Variants in MLLT3 observed in about 807,000 individuals in gnomAD.
The protein encoded by MLLT3 is protein AF-9.
MLLT3 carries 4 observed loss-of-function variants against 53.2 expected under a neutral mutation model. The observed-to-expected ratio is 0.08, with a 90% CI of 0.04 to 0.17. The LOEUF (loss-of-function observed/expected upper bound fraction) is 0.17. Ranked by LOEUF, MLLT3 falls within the 10% of genes least tolerant of loss-of-function variation. The probability of loss-of-function intolerance (pLI) is 1.00; values close to 1 mark genes in which losing one functional copy is unlikely to be tolerated. For synonymous variants in MLLT3, 283 were observed against 230.6 expected (o/e 1.23, Z -2.06); for missense variants, 569 against 684.0 (o/e 0.83, Z 1.87).
intron 3 of MLLT3, among the ~76,000 whole-genome samples, chr9:20,456,368 T>A (rs140278206): frequency 1.9e-4 from 29 of 152,196 alleles, no homozygotes; most frequent in Non-Finnish European, 2.9e-5. Context: ...TCTACAGACA[T>A]GAAAATGAGA....
At chr9:20,377,984 C>G (rs1397708494) in intron 5 of MLLT3, among the ~76,000 whole-genome samples, 1 of 152,040 alleles carries the variant, frequency 6.6e-6, no homozygotes, top group African/African-American at 2.4e-5. Context: ...TACTGGAGCT[C>G]TTTCCTCTAT....
chr9:20,520,716 A>G (rs1313144347), intron 2 of MLLT3, among the ~76,000 whole-genome samples: 1 of 152,194 alleles, frequency 6.6e-6, no homozygotes, highest in African/African-American at 2.4e-5. Flanking sequence ...TTCAATTAGG[A>G]GCACAAGTTA....
chr9:20,616,778 G>C (rs535136040), intron 2 of MLLT3, among the ~76,000 whole-genome samples: 14 of 152,036 alleles, frequency 9.2e-5, no homozygotes, highest in African/African-American at 2.9e-4. Flanking sequence ...CCAGTTGAGG[G>C]CCCCTATATG....
rs151271556 is a variant in MLLT3, at chr9:20,501,415, C to T, written c.194-44629G>A. On this transcript the variant is annotated intron_variant, in intron 2 of 10. Coordinates refer to ENST00000380338, the MANE Select transcript of MLLT3 (RefSeq NM_004529.4). ...TACCAACAACCATGATTATTACTTACAATATCCAAAGGAGCCCTCATTAAG... is the reference window on the plus strand; with the variant it reads ...TACCAACAACCATGATTATTACTTATAATATCCAAAGGAGCCCTCATTAAG... 3.0e-3 allele frequency among the ~76,000 whole-genome samples: 456 copies of T among 152,214 alleles called. 4 individuals carry two copies. Among genetic ancestry groups the T allele is most frequent in the African/African-American group, 0.01 (435 of 41,550 alleles).
At chr9:20,432,118 G>C (rs1210995738) in intron 4 of MLLT3, among the ~76,000 whole-genome samples, 1 of 152,136 alleles carries the variant, frequency 6.6e-6, no homozygotes, top group African/African-American at 2.4e-5. Flanking sequence ...TCTAGGAAGA[G>C]AAATTCACAT....
intron 2 of MLLT3, among the ~76,000 whole-genome samples, chr9:20,603,257 A>T (rs1168966677): frequency 6.6e-6 from 1 of 152,094 alleles, no homozygotes; most frequent in African/African-American, 2.4e-5. Flanking sequence ...GCCAACTCTT[A>T]TAAGTATATA....
At chr9:20,525,615 GCTT>G (rs777267235) in intron 2 of MLLT3, among the ~76,000 whole-genome samples, 6 of 152,224 alleles carry the variant, frequency 3.9e-5, no homozygotes, top group Non-Finnish European at 8.8e-5. Context: ...CACTACACAT[GCTT>G]CTTATTTCAT....
intron 4 of MLLT3, among the ~76,000 whole-genome samples, chr9:20,443,799 T>C (rs1431071204): frequency 6.6e-6 from 1 of 152,212 alleles, no homozygotes; most frequent in Admixed American, 6.5e-5. Flanking sequence ...ACACCATGGT[T>C]ACACGTTCCC....
chr9:20,443,052 G>C (rs1823593443), intron 4 of MLLT3, among the ~76,000 whole-genome samples: 1 of 151,810 alleles, frequency 6.6e-6, no homozygotes, highest in African/African-American at 2.4e-5. Flanking sequence ...TTCAGAAATA[G>C]GACTGAACAA....
intron 2 of MLLT3, among the ~76,000 whole-genome samples, chr9:20,480,834 T>A (rs1238321621): frequency 6.6e-6 from 1 of 152,220 alleles, no homozygotes; most frequent in Admixed American, 6.6e-5. Flanking sequence ...ATATAGTAGA[T>A]GCTCAGTTCT....
chr9:20,471,389 G>A (rs1472278937), intron 2 of MLLT3, among the ~76,000 whole-genome samples: 1 of 151,950 alleles, frequency 6.6e-6, no homozygotes, highest in Non-Finnish European at 1.5e-5. Flanking sequence ...AGTCAAGGAG[G>A]ACTGAGGTCT....
chr9:20,606,795 G>A lies in MLLT3; in HGVS notation c.193+13859C>T, dbSNP rs181455190. 4.1e-3 allele frequency among the ~76,000 whole-genome samples: 623 copies of A among 152,036 alleles called. 4 individuals carry two copies. The highest frequency in any genetic ancestry group is 0.014 in the Middle Eastern group (4 of 294). ...ATTCCAGGCCTGCCCCATTTCCCAC[G>A]CATTCAATGAAAGCCCCACGTTTGC... On this transcript the variant is annotated intron_variant, in intron 2 of 10. Transcript: ENST00000380338.
chr9:20,527,476 T>C (rs762142796), intron 2 of MLLT3, among the ~76,000 whole-genome samples: 6 of 152,274 alleles, frequency 3.9e-5, no homozygotes, highest in Non-Finnish European at 8.8e-5. Context: ...AAATACCTTA[T>C]CTCATTTAAT....
chr9:20,513,386 A>G (rs1310702757), intron 2 of MLLT3, among the ~76,000 whole-genome samples: 4 of 152,228 alleles, frequency 2.6e-5, no homozygotes, highest in African/African-American at 9.7e-5. Context: ...GTGAAATACC[A>G]GAAGCAACGT....
rs1055201519 is a variant in MLLT3 at position 20,421,287 on chromosome 9, A to G, written c.421-6862T>C. Among the ~76,000 whole-genome samples, 4 of 152,064 alleles carry G rather than the reference A, an allele frequency of 2.6e-5. No individual in the cohort carries two copies. The East Asian group carries it at 7.7e-4, about 29-fold the overall frequency. The stretch of plus-strand genomic sequence containing the variant: ...TCAAATAAATAAATAAAATAAATAA[A>G]TTAAAGACAAATAAATCAAAAGAAA... On this transcript the variant is annotated intron_variant, in intron 4 of 10. Transcript: ENST00000380338.
chr9:20,347,961 G>C (rs1378939844), intron 10 of MLLT3, among the ~76,000 whole-genome samples: 3 of 152,088 alleles, frequency 2.0e-5, no homozygotes, highest in Non-Finnish European at 4.4e-5. Context: ...CAGTAAATTT[G>C]TGAACTACTC....
chr9:20,618,688 C>G (rs576226205), intron 2 of MLLT3, among the ~76,000 whole-genome samples: 1 of 152,206 alleles, frequency 6.6e-6, no homozygotes, highest in Non-Finnish European at 1.5e-5. Context: ...CAGCTTACCA[C>G]GCCTAGCAAC....
At chr9:20,403,566 T>C (rs140983461) in intron 5 of MLLT3, among the ~76,000 whole-genome samples, 21 of 152,280 alleles carry the variant, frequency 1.4e-4, no homozygotes, top group African/African-American at 2.9e-4. Context: ...TGAAAGTTGA[T>C]AGACAATGAC....
intron 5 of MLLT3, among the ~76,000 whole-genome samples, chr9:20,373,026 GGT>G (rs1205188537): frequency 6.6e-6 from 1 of 152,010 alleles, no homozygotes; most frequent in African/African-American, 2.4e-5. Flanking sequence ...GTGTCTCGAA[GGT>G]ATGCCTACAT....
Sources: gnomAD v4.1 joint callset for allele counts (sites outside exome capture counted in the v4.1 genomes callset) on GRCh38, gnomAD v4.1.1 for gene constraint, MANE v1.5 for transcripts, NCBI Gene and HGNC (gene_info 2026-07-23, HGNC 2026-07-21) for gene names.